Variants in ZNF710 observed in about 807,000 individuals in gnomAD.
The protein encoded by ZNF710 is zinc finger protein 710.
Under a neutral mutation model 50.6 loss-of-function variants are expected in ZNF710, and 13 were observed. That is an observed-to-expected ratio of 0.26 (90% CI 0.17 to 0.41). The LOEUF is 0.41. Among genes scored for constraint, ZNF710 ranks in the 10% least tolerant of loss-of-function variants. ZNF710 has a pLI of 1.00. For synonymous variants in ZNF710, 383 were observed against 397.0 expected (o/e 0.96, Z 0.42); for missense variants, 721 against 936.6 (o/e 0.77, Z 3.01).
rs143884514 is a variant in ZNF710, at chr15:90,048,075, G to T, written c.-28-19035G>T. On this transcript the variant is annotated intron_variant, in intron 1 of 4. Coordinates refer to ENST00000268154, the MANE Select transcript of ZNF710 (RefSeq NM_198526.4). ...TAAATGACACACTGTGCTGAAAGTT[G>T]GCCCAGGTTGGCACTGTCACTCTCA... Among the ~76,000 whole-genome samples, 16 of 152,366 alleles carry T rather than the reference G, an allele frequency of 1.1e-4. No homozygotes were observed. In the East Asian group the frequency reaches 3.1e-3, roughly 29 times the overall value.
Position 90,059,915 on chromosome 15 carries a change from T to A in ZNF710, c.-28-7195T>A, listed in dbSNP as rs1455382263. Among the ~76,000 whole-genome samples the A allele has an allele frequency of 6.6e-6, 1 of 152,118 alleles. No homozygotes were observed. Among genetic ancestry groups the A allele is most frequent in the Non-Finnish European group, 1.5e-5 (1 of 68,012 alleles). On this transcript the variant is annotated intron_variant, in intron 1 of 4. Transcript: ENST00000268154. The surrounding 1 kb of genome is among the most constrained non-coding windows in gnomAD (Gnocchi z 4.1). ...TCTTCTCCTCCCACCTGGTTACCTG[T>A]CCCGCCCACTCCAGCTTCAGCCTCT...
upstream of ZNF710, among the ~76,000 whole-genome samples, chr15:90,000,033 C>A (rs933040551): frequency 4.7e-5 from 7 of 149,344 alleles, no homozygotes; most frequent in Admixed American, 1.3e-4. Context: ...GCTCTCGGGG[C>A]CCACCGAGAC....
intron 1 of ZNF710, among the ~76,000 whole-genome samples, chr15:90,056,818 A>C (rs1280702911): frequency 6.6e-6 from 1 of 152,172 alleles, no homozygotes; most frequent in African/African-American, 2.4e-5. Context: ...ATTTGCCCAC[A>C]GTAATTTGTG....
chr15:90,044,763 C>G (rs1478568695), intron 1 of ZNF710, among the ~76,000 whole-genome samples: 2 of 152,166 alleles, frequency 1.3e-5, no homozygotes, highest in African/African-American at 4.8e-5. Flanking sequence ...GCCTGGTTAG[C>G]ACATTTACTT....
chr15:90,036,343 C>T (rs1899125191), intron 1 of ZNF710, among the ~76,000 whole-genome samples: 1 of 150,324 alleles, frequency 6.7e-6, no homozygotes, highest in Admixed American at 6.7e-5. Flanking sequence ...ATTCACTTGG[C>T]GCTGTTCGAT....
At chr15:90,051,238 C>CA (rs61250352) in intron 1 of ZNF710, among the ~76,000 whole-genome samples, 3,682 of 78,938 alleles carry the variant, frequency 0.047, 71 homozygotes, top group Admixed American at 0.065. Flanking sequence ...GACTCCGTCT[C>CA]AAAAAAAAAA....
chr15:90,021,505 A>C (rs1216298383), intron 1 of ZNF710, among the ~76,000 whole-genome samples: 1 of 152,210 alleles, frequency 6.6e-6, no homozygotes, highest in African/African-American at 2.4e-5. Context: ...ACAGGCCTGC[A>C]CCATCCTGAA....
At position 90,067,037 on chromosome 15, in the gene ZNF710, G is replaced by A; in HGVS notation, c.-28-73G>A. Reference sequence around the variant, plus strand: ...CACACCCAAAATCAGCCAAGCCCTTGTCTGTGCTGTGTCTGTTGTCTGTCT... The same window carrying A: ...CACACCCAAAATCAGCCAAGCCCTTATCTGTGCTGTGTCTGTTGTCTGTCT... On this transcript the variant is annotated intron_variant, in intron 1 of 4. Transcript: ENST00000268154. The surrounding 1 kb of genome is among the most constrained non-coding windows in gnomAD (Gnocchi z 8.1). The A allele has an allele frequency of 1.4e-6, 2 of 1,474,888 alleles. No individual in the cohort carries two copies. The highest frequency in any genetic ancestry group is 9.0e-7 in the Non-Finnish European group (1 of 1,111,230). The allele number at this position is 1,474,888 out of a possible 1,614,324, so 91.4% of individuals were successfully genotyped here. A position where few individuals can be genotyped will look rare whatever the true frequency, so the allele number is the denominator to read the frequency against.
chr15:90,078,801 G>C (rs560903292), intron 4 of ZNF710, among the ~76,000 whole-genome samples: 1 of 152,206 alleles, frequency 6.6e-6, no homozygotes, highest in Non-Finnish European at 1.5e-5. Flanking sequence ...CCTGGGGTCT[G>C]TTTCCCCCAA....
chr15:90,060,357 A>T (rs1207381034), intron 1 of ZNF710, among the ~76,000 whole-genome samples: 1 of 152,208 alleles, frequency 6.6e-6, no homozygotes, highest in African/African-American at 2.4e-5. Flanking sequence ...GTTCAAGACC[A>T]GCCTGGGCAA....
In ZNF710 at chr15:90,058,556, C is replaced by T. The variant is rs181201154; in HGVS notation, c.-28-8554C>T. Among the ~76,000 whole-genome samples, 680 of 152,190 alleles carry T rather than the reference C, an allele frequency of 4.5e-3. 5 individuals are homozygous for T. Among genetic ancestry groups the T allele is most frequent in the African/African-American group, 0.016 (646 of 41,474 alleles). ...GTACGCTGGTGTCTTTCTCTAGAGA[C>T]ACTCCCGTGCTGGGCCCCCTCTGTT... On this transcript the variant is annotated intron_variant, in intron 1 of 4. Coordinates refer to ENST00000268154, the MANE Select transcript of ZNF710 (RefSeq NM_198526.4).
At chr15:90,066,047 C>A (rs965858120) in intron 1 of ZNF710, among the ~76,000 whole-genome samples, 18 of 152,086 alleles carry the variant, frequency 1.2e-4, no homozygotes. Context: ...CATGGAACTC[C>A]AACGTATAAA....
intron 1 of ZNF710, among the ~76,000 whole-genome samples, chr15:90,022,833 T>G (rs1369246206): frequency 6.6e-6 from 1 of 152,216 alleles, no homozygotes; most frequent in East Asian, 1.9e-4. Flanking sequence ...CACTGAGAAG[T>G]AACCCCAAGT....
chr15:90,057,690 A>AAATACTAAT (rs1555458521), intron 1 of ZNF710, among the ~76,000 whole-genome samples: 8 of 139,524 alleles, frequency 5.7e-5, no homozygotes, highest in African/African-American at 1.6e-4. Flanking sequence ...GAGCAAGACT[A>AAATACTAAT]AATAATAATA....
At position 90,034,428 on chromosome 15, in the gene ZNF710, CTGTGTGTGTGTGTG is replaced by C. The variant is rs398028304; in HGVS notation, c.-28-32648_-28-32635del. On this transcript the variant is annotated intron_variant, in intron 1 of 4. Transcript: ENST00000268154. The surrounding 1 kb of genome is among the most constrained non-coding windows in gnomAD (Gnocchi z 4.0). ...AGCTGTCCTTCCTGTTTCCAAATTCCTGTGTGTGTGTGTGTGTGTGTGTGTGTGTGTGTGTGTGT... is the reference window on the plus strand; with the variant it reads ...AGCTGTCCTTCCTGTTTCCAAATTCCTGTGTGTGTGTGTGTGTGTGTGTGT... Among the ~76,000 whole-genome samples the C allele has an allele frequency of 5.5e-3, 755 of 136,268 alleles. 4 individuals carry two copies. Among genetic ancestry groups the C allele is most frequent in the African/African-American group, 0.017 (646 of 37,780 alleles). The allele number at this position is 136,268 out of a possible 152,430, so 89.4% of individuals were successfully genotyped here.
At chr15:90,038,391 C>T (rs1328612150) in intron 1 of ZNF710, among the ~76,000 whole-genome samples, 2 of 152,182 alleles carry the variant, frequency 1.3e-5, no homozygotes, top group African/African-American at 4.8e-5. Context: ...CATTTTGCCA[C>T]GTTTTCTTTA....
chr15:90,005,572 C>T (rs1898120028), intron 1 of ZNF710, among the ~76,000 whole-genome samples: 1 of 152,190 alleles, frequency 6.6e-6, no homozygotes, highest in Non-Finnish European at 1.5e-5. Flanking sequence ...CCTCAGCCTC[C>T]TGAGTAGCTG....
intron 1 of ZNF710, among the ~76,000 whole-genome samples, chr15:90,010,978 T>A (rs1275279737): frequency 6.9e-6 from 1 of 144,734 alleles, no homozygotes. Flanking sequence ...TTGCTCAGGC[T>A]GGAGTGCAAT....
At position 90,067,899 on chromosome 15, in the gene ZNF710, C is replaced by T. The variant is rs547157646; in HGVS notation, c.762C>T (p.Phe254=). 44 of 1,613,164 alleles carry T rather than the reference C, an allele frequency of 2.7e-5. No homozygotes were observed. In the African/African-American group the frequency reaches 4.0e-4, roughly 15 times the overall value. ...QGFVWQEASE[F]EADTAGSTVE... The stretch of plus-strand genomic sequence containing the variant: ...TCGTGTGGCAGGAGGCCAGTGAGTT[C>T]GAGGCTGACACGGCGGGTTCGACCG... Residue 254 remains phenylalanine, a synonymous_variant, in exon 2 of 5, where the codon TTC becomes TTT. Coordinates refer to ENST00000268154, the MANE Select transcript of ZNF710 (RefSeq NM_198526.4). This position sits in a 1 kb window ranked among gnomAD's most constrained non-coding sequence, Gnocchi z 8.1.
Sources: gnomAD v4.1 joint callset for allele counts (sites outside exome capture counted in the v4.1 genomes callset) on GRCh38, gnomAD v4.1.1 for gene constraint, Gnocchi (gnomAD v3.1) non-coding constraint, MANE v1.5 for transcripts, NCBI Gene and HGNC (gene_info 2026-07-23, HGNC 2026-07-21) for gene names.